The following ABCB1 variants were observed in gnomAD, a reference collection of about 807,000 sequenced individuals.
The protein encoded by ABCB1 is ATP binding cassette subfamily B member 1, also known as ATP-dependent translocase ABCB1.
Under a neutral mutation model 142.0 loss-of-function variants are expected in ABCB1, and 69 were observed. That is an observed-to-expected ratio of 0.49 (90% CI 0.40 to 0.59). The LOEUF is 0.59. ABCB1 is among the 20% of genes least tolerant of loss of function. The pLI, the probability that ABCB1 is intolerant of heterozygous loss-of-function variation, is 0.00. For synonymous variants in ABCB1, 532 were observed against 539.2 expected (o/e 0.99, Z 0.18); for missense variants, 1,326 against 1,554.7 (o/e 0.85, Z 2.47).
chr7:87,510,000 A>G (rs4437575), intron 25 of ABCB1, among the ~76,000 whole-genome samples: 64,554 of 151,940 alleles, frequency 0.42, 14,110 homozygotes, highest in Admixed American at 0.46. Context: ...CACAAGCAAG[A>G]AAACAGATCA....
intron 20 of ABCB1, 115 bp downstream of exon 20, chr7:87,536,343 T>C (rs1816291198): frequency 1.1e-6 from 1 of 908,110 alleles, no homozygotes; most frequent in Non-Finnish European, 1.8e-6. Flanking sequence ...AGGTTAGATA[T>C]TTATTCAACA....
Position 87,505,952 on chromosome 7 carries a change from G to A in ABCB1, c.3581C>T (p.Pro1194Leu). Residue 1194 changes from proline to leucine, a missense_variant, in exon 27 of 28, where the codon CCT (proline) becomes CTT (leucine). By Grantham distance (98) the Pro-to-Leu change is moderately conservative. Coordinates refer to ENST00000622132, the MANE Select transcript of ABCB1 (RefSeq NM_001348946.2). The part of the protein sequence containing the change: ...IAIARALVRQ[P>L]HILLLDEATS... Reference sequence around the variant, plus strand: ...GGCTTCATCCAAAAGCAAAATATGAGGCTGTCTAACAAGGGCACGAGCTAT... The same window carrying A: ...GGCTTCATCCAAAAGCAAAATATGAAGCTGTCTAACAAGGGCACGAGCTAT... 1.2e-6 allele frequency: 2 copies of A among 1,614,128 alleles called. No homozygotes were observed. The highest frequency in any genetic ancestry group is 1.7e-6 in the Non-Finnish European group (2 of 1,180,018).
At chr7:87,704,164 G>A (rs527886006) in intron 1 of ABCB1, among the ~76,000 whole-genome samples, 5 of 151,842 alleles carry the variant, frequency 3.3e-5, no homozygotes, top group South Asian at 2.1e-4. Flanking sequence ...CAAGTGATCC[G>A]CCTGCCTCAG....
intron 26 of ABCB1, among the ~76,000 whole-genome samples, chr7:87,506,477 C>T (rs921672441): frequency 6.6e-5 from 10 of 152,176 alleles, no homozygotes; most frequent in African/African-American, 1.2e-4. Context: ...GAAAGACATT[C>T]TTGGGATATC....
chr7:87,677,655 A>T (rs1826514682), intron 1 of ABCB1, among the ~76,000 whole-genome samples: 1 of 152,194 alleles, frequency 6.6e-6, no homozygotes, highest in South Asian at 2.1e-4. Flanking sequence ...CCATACATAC[A>T]CACACAAAAA....
chr7:87,516,754 T>TTTTTTTTTGG (rs1815271382), intron 23 of ABCB1, 89 bp from the exon 24 acceptor site: 1 of 1,086,150 alleles, frequency 9.2e-7, no homozygotes, highest in African/African-American at 1.8e-5. Context: ...TTTTTTTTTT[T>TTTTTTTTTGG]GAGGTGGGGT....
At chr7:87,568,192 G>A (rs749249332) in intron 5 of ABCB1, among the ~76,000 whole-genome samples, 35 of 149,322 alleles carry the variant, frequency 2.3e-4, no homozygotes, top group Non-Finnish European at 3.0e-4. Context: ...TCAGGAGTTC[G>A]AGACCAGCCT....
intron 25 of ABCB1, among the ~76,000 whole-genome samples, chr7:87,511,361 G>A (rs906176749): frequency 1.8e-4 from 28 of 152,272 alleles, no homozygotes; most frequent in South Asian, 2.1e-4. Context: ...AAACCTATTG[G>A]TAAGAAATAA....
chr7:87,528,918 G>C (rs1024287108), intron 21 of ABCB1, among the ~76,000 whole-genome samples: 1 of 152,178 alleles, frequency 6.6e-6, no homozygotes, highest in Admixed American at 6.5e-5. Context: ...AATGCCCACT[G>C]GGCCAGGGCA....
chr7:87,563,477 G>A, intron 7 of ABCB1: 1 of 363,254 alleles, frequency 2.8e-6, no homozygotes, highest in Non-Finnish European at 5.7e-6. Context: ...TGATCAAGTA[G>A]GCTTTATCCT....
intron 1 of ABCB1, among the ~76,000 whole-genome samples, chr7:87,658,635 A>C (rs1824371571): frequency 6.6e-6 from 1 of 152,226 alleles, no homozygotes; most frequent in Non-Finnish European, 1.5e-5. Flanking sequence ...GCAAATAGAG[A>C]AAAATGACAA....
chr7:87,655,652 T>A (rs183913972), intron 1 of ABCB1, among the ~76,000 whole-genome samples: 1 of 152,256 alleles, frequency 6.6e-6, no homozygotes, highest in Admixed American at 6.5e-5. Context: ...GTACAAAATG[T>A]TGACTATAGT....
chr7:87,545,229 T>C (rs28381918), intron 15 of ABCB1, among the ~76,000 whole-genome samples: 83 of 152,330 alleles, frequency 5.4e-4, no homozygotes, highest in African/African-American at 1.9e-3. Flanking sequence ...TATACTGAAA[T>C]AATCTGGCAT....
Position 87,550,058 on chromosome 7 carries a change from G to C in ABCB1, c.1351-4C>G, listed in dbSNP as rs1816981140. ...TATCCTGTCCATCAACACTGACCTG[G>C]AATAAAAAGTAAGTGTGACTTTCAT... On this transcript the variant is annotated splice_polypyrimidine_tract_variant and splice_region_variant and intron_variant, in intron 12 of 27. Transcript: ENST00000622132. 6.2e-7 allele frequency: 1 copy of C among 1,614,018 alleles called. No individual in the cohort carries two copies. Among genetic ancestry groups the C allele is most frequent in the South Asian group, 1.1e-5 (1 of 91,092 alleles).
At chr7:87,535,710 C>G (rs1173907689) in intron 20 of ABCB1, among the ~76,000 whole-genome samples, 6 of 151,980 alleles carry the variant, frequency 3.9e-5, no homozygotes, top group African/African-American at 1.5e-4. Context: ...AAAGAAGCCC[C>G]ATATATTAGA....
chr7:87,625,255 T>TC (rs1384430901), intron 1 of ABCB1, among the ~76,000 whole-genome samples: 1 of 147,274 alleles, frequency 6.8e-6, no homozygotes, highest in Non-Finnish European at 1.5e-5. Context: ...AGACTGCGTC[T>TC]CAAAAAAAAA....
chr7:87,559,241 G>A lies in ABCB1; in HGVS notation c.827+2022C>T, dbSNP rs12154319. 5.3e-3 allele frequency among the ~76,000 whole-genome samples: 800 copies of A among 152,148 alleles called. 2 individuals are homozygous for A. The highest frequency in any genetic ancestry group is 8.7e-3 in the Non-Finnish European group (593 of 67,966). ...TGTGGGAGAGAAGCAGTGGAAAATG[G>A]AGATTTTTAACTTTGAATTCAATTA... On this transcript the variant is annotated intron_variant, in intron 8 of 27. Transcript: ENST00000622132.
intron 1 of ABCB1, among the ~76,000 whole-genome samples, chr7:87,691,577 A>G (rs992406298): frequency 3.9e-5 from 6 of 152,220 alleles, no homozygotes; most frequent in Admixed American, 1.3e-4. Flanking sequence ...AACCCCTTCT[A>G]CAAACAAGCC....
chr7:87,559,664 T>C (rs1298865149), intron 8 of ABCB1, among the ~76,000 whole-genome samples: 1 of 152,186 alleles, frequency 6.6e-6, no homozygotes, highest in Non-Finnish European at 1.5e-5. Context: ...TACCAGATAC[T>C]CTGGTATCAC....
Sources: gnomAD v4.1 joint callset for allele counts (sites outside exome capture counted in the v4.1 genomes callset) on GRCh38, gnomAD v4.1.1 for gene constraint, MANE v1.5 for transcripts, NCBI Gene and HGNC (gene_info 2026-07-23, HGNC 2026-07-21) for gene names.